USP42: variants seen among roughly 807,000 people sequenced by gnomAD.
USP42 encodes the protein ubiquitin carboxyl-terminal hydrolase 42.
Under a neutral mutation model 113.0 loss-of-function variants are expected in USP42, and 23 were observed. That is an observed-to-expected ratio of 0.20 (90% CI 0.15 to 0.29). The LOEUF (loss-of-function observed/expected upper bound fraction) is 0.29. Among genes scored for constraint, USP42 ranks in the 10% least tolerant of loss-of-function variants. USP42 has a pLI of 1.00. For synonymous variants in USP42, 933 were observed against 699.0 expected (o/e 1.33, Z -5.28); for missense variants, 2,174 against 1,779.8 (o/e 1.22, Z -3.99).
intron 7 of USP42, among the ~76,000 whole-genome samples, chr7:6,142,166 G>C (rs187047994): frequency 2.0e-5 from 3 of 151,308 alleles, no homozygotes; most frequent in African/African-American, 7.3e-5. Context: ...AATTTGGTAT[G>C]TAGATTTATA....
chr7:6,122,823 C>T (rs981867416), intron 3 of USP42, among the ~76,000 whole-genome samples: 1 of 151,430 alleles, frequency 6.6e-6, no homozygotes, highest in Non-Finnish European at 1.5e-5. Context: ...AGGCTCATCT[C>T]AAACTCCTGG....
At chr7:6,142,591 T>C (rs1338801749) in intron 7 of USP42, among the ~76,000 whole-genome samples, 1 of 152,110 alleles carries the variant, frequency 6.6e-6, no homozygotes, top group African/African-American at 2.4e-5. Context: ...TTTTAAAAAA[T>C]AAGGGGCACG....
the USP42 span, among the ~76,000 whole-genome samples, chr7:6,086,046 C>CT: frequency 1.8e-3 from 263 of 144,570 alleles, 2 homozygotes; most frequent in Non-Finnish European, 2.7e-3. Context: ...TTTTTTTTTT[C>CT]TTTTTTTTTG....
intron 11 of USP42, among the ~76,000 whole-genome samples, chr7:6,147,154 C>T (rs1781762740): frequency 1.3e-5 from 2 of 152,220 alleles, no homozygotes; most frequent in South Asian, 4.1e-4. Context: ...GGCTGAAGCA[C>T]AGATGATGAT....
intron 3 of USP42, chr7:6,117,008 TTC>T (rs933706847): frequency 8.2e-5 from 32 of 392,626 alleles, no homozygotes; most frequent in Admixed American, 1.9e-4. Context: ...CTCCCTCTCT[TTC>T]TCTCTCTCTT....
chr7:6,086,189 C>G, the USP42 span, among the ~76,000 whole-genome samples: 2 of 149,514 alleles, frequency 1.3e-5, no homozygotes, highest in Non-Finnish European at 2.9e-5. Flanking sequence ...GAGCCTGCCA[C>G]CTCACCTGGC....
intron 11 of USP42, 133 bp from the exon 12 acceptor site, chr7:6,147,606 A>G: frequency 1.0e-6 from 1 of 975,420 alleles, no homozygotes; most frequent in Non-Finnish European, 1.4e-6. Context: ...ATAGCTCCAT[A>G]CTGTGTAGCA....
chr7:6,148,516 C>T (rs998080849), intron 12 of USP42, among the ~76,000 whole-genome samples: 3 of 152,154 alleles, frequency 2.0e-5, no homozygotes, highest in Non-Finnish European at 2.9e-5. Flanking sequence ...TGCAGGAAAG[C>T]GATCTGTTTA....
At chr7:6,099,005 G>A in the USP42 span, among the ~76,000 whole-genome samples, 3 of 149,896 alleles carry the variant, frequency 2.0e-5, no homozygotes, top group African/African-American at 5.0e-5. Context: ...TTCCTTATTA[G>A]AGTCCTGACT....
intron 3 of USP42, among the ~76,000 whole-genome samples, chr7:6,134,444 T>C (rs1276206682): frequency 6.6e-6 from 1 of 152,136 alleles, no homozygotes; most frequent in Non-Finnish European, 1.5e-5. Flanking sequence ...TTAAAAAATA[T>C]TTTTGAGCTT....
intron 1 of USP42, among the ~76,000 whole-genome samples, chr7:6,107,593 G>C (rs972922909): frequency 3.3e-5 from 5 of 151,966 alleles, no homozygotes; most frequent in South Asian, 2.1e-4. Flanking sequence ...ATTTTTAGTA[G>C]AGACGGGATT....
At chr7:6,104,181 C>A (rs985991944), upstream of USP42, among the ~76,000 whole-genome samples, 2 of 151,266 alleles carry the variant, frequency 1.3e-5, no homozygotes, top group African/African-American at 4.9e-5. Context: ...CTCCCGGGTT[C>A]AAGCAATTCT....
chr7:6,115,116 G>GT (rs1779845493), intron 2 of USP42, among the ~76,000 whole-genome samples: 1 of 152,090 alleles, frequency 6.6e-6, no homozygotes, highest in South Asian at 2.1e-4. Flanking sequence ...TGTCCTTGCA[G>GT]TTTGTTTACT....
At chr7:6,140,048 C>T in intron 5 of USP42, 80 bp from the exon 6 acceptor site, 2 of 1,252,472 alleles carry the variant, frequency 1.6e-6, no homozygotes, top group Non-Finnish European at 2.4e-6. Flanking sequence ...TTTGTGAGCT[C>T]CCATGTGTTT....
At chr7:6,116,103 C>CA (rs1363199312) in intron 3 of USP42, among the ~76,000 whole-genome samples, 9,025 of 71,922 alleles carry the variant, frequency 0.13, 623 homozygotes, top group African/African-American at 0.24. Flanking sequence ...GACCCTGTCT[C>CA]AAAAAAAAAA....
chr7:6,147,589 G>C, intron 11 of USP42, 150 bp from the exon 12 acceptor site: 1 of 664,924 alleles, frequency 1.5e-6, no homozygotes, highest in South Asian at 6.1e-5. Flanking sequence ...TGAAGGAGGG[G>C]ATGTGTATAG....
intron 1 of USP42, 120 bp from the exon 2 acceptor site, chr7:6,111,005 A>C (rs1779569259): frequency 1.0e-6 from 1 of 970,960 alleles, no homozygotes; most frequent in Non-Finnish European, 1.5e-6. Context: ...TTTATATTTG[A>C]GTGATGTGTT....
At chr7:6,092,032 C>CTT in the USP42 span, among the ~76,000 whole-genome samples, 7 of 109,954 alleles carry the variant, frequency 6.4e-5, no homozygotes, top group Non-Finnish European at 1.1e-4. Context: ...TCTTCTTCTT[C>CTT]TTCTTCTTCT....
chr7:6,119,154 G>A (rs921605209), intron 3 of USP42, among the ~76,000 whole-genome samples: 2 of 152,078 alleles, frequency 1.3e-5, no homozygotes, highest in African/African-American at 4.8e-5. Context: ...GTTTGAGGCT[G>A]CCGTGAGCTA....
Sources: gnomAD v4.1 joint callset for allele counts (sites outside exome capture counted in the v4.1 genomes callset) on GRCh38, gnomAD v4.1.1 for gene constraint, MANE v1.5 for transcripts, NCBI Gene and HGNC (gene_info 2026-07-23, HGNC 2026-07-21) for gene names.